The following ANO4 variants were observed in gnomAD, a reference collection of about 807,000 sequenced individuals.
ANO4 encodes anoctamin 4.
ANO4 carries 69 observed loss-of-function variants against 141.9 expected under a neutral mutation model. That is an observed-to-expected ratio of 0.49 (90% CI 0.40 to 0.59). The LOEUF (loss-of-function observed/expected upper bound fraction) is 0.59, where lower values mean the gene tolerates loss of function less well. ANO4 is among the 20% of genes least tolerant of loss of function. ANO4 has a pLI of 0.00. For missense variants in ANO4, 894 were observed against 1,162.2 expected (o/e 0.77, Z 3.36); for synonymous variants, 350 against 394.3 (o/e 0.89, Z 1.33).
Position 100,987,551 on chromosome 12 carries a change from A to G in ANO4, c.615A>G (p.Gln205=). The G allele has an allele frequency of 6.2e-7, 1 of 1,613,890 alleles. No homozygotes were observed. Among genetic ancestry groups the G allele is most frequent in the Non-Finnish European group, 8.5e-7 (1 of 1,179,884 alleles). The change falls in exon 8 of 28, where the codon CAA becomes CAG. Residue 205 remains glutamine, a synonymous_variant. Coordinates refer to ENST00000392977, the MANE Select transcript of ANO4 (RefSeq NM_001286615.2). ...RYKFMSRIDK[Q]ISRFRRWLPK... ...CCATGTACCACAGGATCGATAAACAAATAAGCAGGTTTCGGAGATGGTTAC... is the reference window on the plus strand; with the variant it reads ...CCATGTACCACAGGATCGATAAACAGATAAGCAGGTTTCGGAGATGGTTAC...
rs184065582 is a variant in ANO4 at position 101,074,506 on chromosome 12, G to T, written c.1313-4687G>T. Among the ~76,000 whole-genome samples the T allele has an allele frequency of 2.0e-5, 3 of 152,276 alleles. No homozygotes were observed. In the East Asian group the frequency reaches 5.8e-4, roughly 29 times the overall value. On this transcript the variant is annotated intron_variant, in intron 14 of 27. Transcript: ENST00000392977. ...TCCTTTGGTCACATCTAATGCAAGG[G>T]TATCTGGAAAATACAATATATGTAG...
chr12:100,912,931 T>C (rs982566194), intron 2 of ANO4, among the ~76,000 whole-genome samples: 4 of 152,250 alleles, frequency 2.6e-5, no homozygotes, highest in African/African-American at 9.6e-5. Flanking sequence ...TATCCTTCAT[T>C]TGAATCTCTT....
At chr12:101,055,903 C>T (rs1249059070) in intron 14 of ANO4, among the ~76,000 whole-genome samples, 1 of 152,004 alleles carries the variant, frequency 6.6e-6, no homozygotes, top group African/African-American at 2.4e-5. Context: ...TTCCTAGTAC[C>T]ATTTGTCAAA....
In ANO4 at chr12:101,096,584, T is replaced by C; in HGVS notation, c.1787T>C (p.Met596Thr). 1 of 1,613,498 alleles carries C rather than the reference T, an allele frequency of 6.2e-7. No homozygotes were observed. Among genetic ancestry groups the C allele is most frequent in the Non-Finnish European group, 8.5e-7 (1 of 1,179,628 alleles). ...TGGGAGAACAGCTTCACCCTGAAAA[T>C]GTTTCTTTTTCAGTTTGTCAATCTG... ...SEWENSFTLK[M>T]FLFQFVNLNS... Residue 596 changes from methionine to threonine, a missense_variant, in exon 19 of 28, where the codon ATG (methionine) becomes ACG (threonine). Met to Thr is a moderately conservative substitution (Grantham distance 81). Coordinates refer to ENST00000392977, the MANE Select transcript of ANO4 (RefSeq NM_001286615.2).
intron 5 of ANO4, among the ~76,000 whole-genome samples, chr12:100,960,542 T>C (rs1380699804): frequency 6.6e-6 from 1 of 151,744 alleles, no homozygotes; most frequent in East Asian, 1.9e-4. Context: ...CAAGTGCACA[T>C]GTATACCTAT....
At chr12:100,760,662 C>A (rs934875408) in intron 3 of ANO4, among the ~76,000 whole-genome samples, 1 of 152,144 alleles carries the variant, frequency 6.6e-6, no homozygotes, top group Non-Finnish European at 1.5e-5. Flanking sequence ...TCTTGTAAAA[C>A]GTTCAGGTAG....
chr12:100,958,791 T>A (rs1401117623), intron 5 of ANO4, among the ~76,000 whole-genome samples: 1 of 152,168 alleles, frequency 6.6e-6, no homozygotes, highest in Non-Finnish European at 1.5e-5. Context: ...GAGGCTGCAG[T>A]GAGCCAAGAT....
upstream of ANO4, chr12:100,717,379 G>T (rs2030643151): frequency 3.1e-6 from 1 of 327,736 alleles, no homozygotes; most frequent in Non-Finnish European, 5.5e-6. Context: ...AGCGCGGCGC[G>T]CTGACTGGGC....
At chr12:100,957,092 C>T (rs759107056) in intron 5 of ANO4, among the ~76,000 whole-genome samples, 17 of 152,092 alleles carry the variant, frequency 1.1e-4, no homozygotes, top group Non-Finnish European at 1.8e-4. Context: ...CAACAGAATA[C>T]CTGAGATGGG....
intron 5 of ANO4, among the ~76,000 whole-genome samples, chr12:100,968,490 T>C (rs1197733822): frequency 6.6e-6 from 1 of 152,164 alleles, no homozygotes; most frequent in Non-Finnish European, 1.5e-5. Context: ...GTGTCTTCGG[T>C]GTTGCCCAAT....
At chr12:101,023,164 G>C (rs2046600247) in intron 9 of ANO4, among the ~76,000 whole-genome samples, 1 of 152,150 alleles carries the variant, frequency 6.6e-6, no homozygotes, top group Non-Finnish European at 1.5e-5. Context: ...AAGGCGTGCT[G>C]AACTGAAAAG....
At chr12:100,769,278 A>G (rs1048164689) in intron 3 of ANO4, among the ~76,000 whole-genome samples, 1 of 152,238 alleles carries the variant, frequency 6.6e-6, no homozygotes, top group Non-Finnish European at 1.5e-5. Flanking sequence ...GAAAGATGCT[A>G]GTGATCTAGC....
In ANO4 at chr12:100,946,250, C is replaced by T. The variant is rs572362963; in HGVS notation, c.456+3715C>T. The stretch of plus-strand genomic sequence containing the variant: ...ATCACTGGGGGATGTTAGCTTTTCT[C>T]TGAGTGACATAGGAAGCCACTGGAG... On this transcript the variant is annotated intron_variant, in intron 5 of 27. Transcript: ENST00000392977. Among the ~76,000 whole-genome samples, 6 of 152,246 alleles carry T rather than the reference C, an allele frequency of 3.9e-5. No individual in the cohort carries two copies. The East Asian group carries it at 9.7e-4, about 25-fold the overall frequency.
intron 22 of ANO4, among the ~76,000 whole-genome samples, chr12:101,109,929 A>G (rs753593390): frequency 4.6e-5 from 7 of 152,190 alleles, no homozygotes; most frequent in Non-Finnish European, 8.8e-5. Context: ...TCTTTGGGTC[A>G]TAATCCCATG....
intron 1 of ANO4, among the ~76,000 whole-genome samples, chr12:100,892,399 T>A (rs755975784): frequency 3.8e-4 from 58 of 152,344 alleles, no homozygotes; most frequent in Non-Finnish European, 2.6e-4. Flanking sequence ...TTCAAGGTTG[T>A]CTTCAATGAC....
At chr12:101,036,313 A>C (rs1384980830) in intron 9 of ANO4, among the ~76,000 whole-genome samples, 3 of 152,182 alleles carry the variant, frequency 2.0e-5, no homozygotes, top group Non-Finnish European at 4.4e-5. Context: ...ATAAAAAATG[A>C]ACTACCGTAT....
intron 3 of ANO4, among the ~76,000 whole-genome samples, chr12:100,773,276 A>C (rs558092607): frequency 6.6e-5 from 10 of 152,360 alleles, no homozygotes; most frequent in Non-Finnish European, 8.8e-5. Flanking sequence ...CTTGCCTTCA[A>C]ATACCATCAC....
chr12:100,942,001 G>T, intron 4 of ANO4, among the ~76,000 whole-genome samples: 1 of 127,336 alleles, frequency 7.9e-6, no homozygotes. Context: ...ATTATTTTGA[G>T]ATGGAGTCTC....
At chr12:100,777,981 G>A (rs895187517) in intron 3 of ANO4, among the ~76,000 whole-genome samples, 3 of 150,392 alleles carry the variant, frequency 2.0e-5, no homozygotes, top group African/African-American at 4.9e-5. Flanking sequence ...GTGTAGTGGC[G>A]TGATCTCGGC....
Sources: allele counts gnomAD v4.1 joint callset (sites outside exome capture counted in the v4.1 genomes callset), GRCh38; gene constraint gnomAD v4.1.1; transcripts MANE v1.5; gene names NCBI Gene and HGNC (gene_info 2026-07-23, HGNC 2026-07-21).